Variants in SLC9B1 observed in about 807,000 individuals in gnomAD.
The protein encoded by SLC9B1 is sodium/hydrogen exchanger 9B1.
SLC9B1 carries 32 observed loss-of-function variants against 51.7 expected under a neutral mutation model. The observed-to-expected ratio is 0.62, with a 90% CI of 0.47 to 0.83. SLC9B1 has a LOEUF of 0.83. Ranked by LOEUF, SLC9B1 falls within the 40% of genes least tolerant of loss-of-function variation. The pLI, the probability that SLC9B1 is intolerant of heterozygous loss-of-function variation, is 0.00. For missense variants in SLC9B1, 406 were observed against 613.2 expected, an observed-to-expected ratio of 0.66 and a Z score of 3.57; for synonymous variants, 145 against 212.7, an observed-to-expected ratio of 0.68 and a Z score of 2.77.
intron 3 of SLC9B1, among the ~76,000 whole-genome samples, chr4:102,957,980 GATT>G (rs1191728605): frequency 1.3e-5 from 2 of 152,164 alleles, no homozygotes; most frequent in African/African-American, 4.8e-5. Flanking sequence ...GAAGATGATT[GATT>G]ATTATAACCC....
intron 9 of SLC9B1, 76 bp from the exon 10 acceptor site, chr4:102,906,720 CT>C (rs199755323): frequency 3.0e-3 from 1,351 of 452,744 alleles, no homozygotes; most frequent in East Asian, 4.7e-3. Flanking sequence ...CTTCCCCCCC[CT>C]TTTTTTTTTC....
intron 3 of SLC9B1, among the ~76,000 whole-genome samples, chr4:102,984,780 A>G (rs1479019565): frequency 6.6e-6 from 1 of 152,238 alleles, no homozygotes. Context: ...CATTTCGGAT[A>G]GACAGGTGTT....
In SLC9B1 at chr4:102,930,895, G is replaced by A. The variant is rs978979661; in HGVS notation, c.829+1229C>T. On this transcript the variant is annotated intron_variant, in intron 7 of 11. Coordinates refer to ENST00000296422, the MANE Select transcript of SLC9B1 (RefSeq NM_139173.4). ...ACATTTACTGAAAAGAAACATGTTT[G>A]TGATATACAGTTAAGTGTAAAACAA... Among the ~76,000 whole-genome samples the A allele has an allele frequency of 3.3e-5, 5 of 152,050 alleles. No homozygotes were observed. In the East Asian group the frequency reaches 9.6e-4, roughly 29 times the overall value.
intron 1 of SLC9B1, among the ~76,000 whole-genome samples, chr4:103,010,120 A>G (rs1741016460): frequency 6.6e-6 from 1 of 152,244 alleles, no homozygotes. Context: ...CAATAAAGTG[A>G]CACGGTGTCT....
intron 1 of SLC9B1, among the ~76,000 whole-genome samples, chr4:103,001,587 C>A (rs555599052): frequency 6.4e-4 from 98 of 152,336 alleles, no homozygotes; most frequent in African/African-American, 2.3e-3. Flanking sequence ...AAGCTCCCAT[C>A]TCCATTTGAG....
intron 11 of SLC9B1, among the ~76,000 whole-genome samples, chr4:102,905,253 C>T (rs907462482): frequency 5.2e-5 from 4 of 76,640 alleles, no homozygotes; most frequent in Admixed American, 1.3e-4. Flanking sequence ...GATGGAGTCA[C>T]TCTGTCGCCC....
intron 1 of SLC9B1, among the ~76,000 whole-genome samples, chr4:103,008,965 A>AATTTTTTGT (rs1379056312): frequency 6.6e-6 from 1 of 151,914 alleles, no homozygotes; most frequent in Non-Finnish European, 1.5e-5. Flanking sequence ...ACGTCTGGCT[A>AATTTTTTGT]ATTTTTTGTA....
chr4:102,949,035 A>G (rs1347031995), intron 4 of SLC9B1, among the ~76,000 whole-genome samples: 2 of 152,192 alleles, frequency 1.3e-5, no homozygotes, highest in Non-Finnish European at 2.9e-5. Context: ...TTTTAAAAAT[A>G]AATTTTGGAT....
chr4:102,903,921 G>C lies in SLC9B1; in HGVS notation c.1332+1593C>G, dbSNP rs138509644. ...CTTACGTAGTCTATCAAGGGGGCAGGGGCAGGGATTTAGCCATTAACCAAA... is the reference window on the plus strand; with the variant it reads ...CTTACGTAGTCTATCAAGGGGGCAGCGGCAGGGATTTAGCCATTAACCAAA... On this transcript the variant is annotated intron_variant, in intron 11 of 11. Transcript: ENST00000296422. Among the ~76,000 whole-genome samples the C allele has an allele frequency of 8.1e-4, 124 of 152,230 alleles. No homozygotes were observed. The East Asian group carries it at 0.022, about 27-fold the overall frequency.
chr4:103,001,270 G>A (rs1740511394), intron 1 of SLC9B1, among the ~76,000 whole-genome samples: 1 of 152,216 alleles, frequency 6.6e-6, no homozygotes. Flanking sequence ...TGTTATGGGA[G>A]GGGCTGCCAT....
rs7679867 is a variant in SLC9B1, at chr4:102,984,252, A to T, written c.211+5548T>A. 1.5e-3 allele frequency among the ~76,000 whole-genome samples: 221 copies of T among 152,186 alleles called. 2 individuals carry two copies. Among genetic ancestry groups the T allele is most frequent in the African/African-American group, 5.2e-3 (217 of 41,514 alleles). On this transcript the variant is annotated intron_variant, in intron 3 of 11. Coordinates refer to ENST00000296422, the MANE Select transcript of SLC9B1 (RefSeq NM_139173.4). ...CACCTCAGCCTCCCAAGTAGCTGAG[A>T]CTACAGGCATGCGTCACCACACTCA... is the stretch of plus-strand genomic sequence containing the variant.
chr4:102,923,812 T>A (rs1192508401), intron 7 of SLC9B1, among the ~76,000 whole-genome samples: 10 of 152,026 alleles, frequency 6.6e-5, no homozygotes, highest in African/African-American at 2.2e-4. Flanking sequence ...CACAATTGCT[T>A]CAAAGAGAAT....
At chr4:102,893,765 AAT>A (rs1307632891) in intron 11 of SLC9B1, among the ~76,000 whole-genome samples, 1 of 152,020 alleles carries the variant, frequency 6.6e-6, no homozygotes, top group Non-Finnish European at 1.5e-5. Flanking sequence ...CTCTACTAAA[AAT>A]ACAAAAATTA....
At chr4:102,921,624 T>A (rs998758528) in intron 7 of SLC9B1, among the ~76,000 whole-genome samples, 4 of 152,100 alleles carry the variant, frequency 2.6e-5, no homozygotes, top group African/African-American at 9.7e-5. Context: ...GCAAACTGGA[T>A]AAAGAGTCAA....
At position 102,960,590 on chromosome 4, in the gene SLC9B1, TA is replaced by T. The variant is rs112264496; in HGVS notation, c.212-11164del. 2.0e-3 allele frequency among the ~76,000 whole-genome samples: 298 copies of T among 152,240 alleles called. 5 individuals carry two copies. The highest frequency in any genetic ancestry group is 7.0e-3 in the African/African-American group (291 of 41,548). On this transcript the variant is annotated intron_variant, in intron 3 of 11. Coordinates refer to ENST00000296422, the MANE Select transcript of SLC9B1 (RefSeq NM_139173.4). ...TATGGTTTTTTGATAAGTAAAAATT[TA>T]AAAAAAGTTAAAAATGATTTCTCTG...
chr4:102,987,206 G>T (rs1239058881), intron 3 of SLC9B1, among the ~76,000 whole-genome samples: 2 of 152,010 alleles, frequency 1.3e-5, no homozygotes, highest in Non-Finnish European at 2.9e-5. Context: ...TGCTTTTCTG[G>T]TTTTTTTCAC....
intron 1 of SLC9B1, among the ~76,000 whole-genome samples, chr4:103,006,687 A>T (rs2110536077): frequency 6.6e-6 from 1 of 152,294 alleles, no homozygotes; most frequent in Admixed American, 6.5e-5. Flanking sequence ...AGACACAATA[A>T]AAAAGAAAAA....
At chr4:103,019,165 G>A (rs975344697) in intron 1 of SLC9B1, among the ~76,000 whole-genome samples, 5 of 152,144 alleles carry the variant, frequency 3.3e-5, no homozygotes, top group East Asian at 3.9e-4. Context: ...GTGGGTGGGT[G>A]GGGGAAGAGA....
At chr4:103,007,229 T>A (rs138493132) in intron 1 of SLC9B1, among the ~76,000 whole-genome samples, 8 of 152,118 alleles carry the variant, frequency 5.3e-5, no homozygotes, top group Non-Finnish European at 1.2e-4. Flanking sequence ...GAAAACCCCA[T>A]AGTCTCTGCC....
Sources: allele counts gnomAD v4.1 joint callset (sites outside exome capture counted in the v4.1 genomes callset), GRCh38; gene constraint gnomAD v4.1.1; transcripts MANE v1.5; gene names NCBI Gene and HGNC (gene_info 2026-07-23, HGNC 2026-07-21).